Variants in GPD2 observed in about 807,000 individuals in gnomAD.
GPD2 encodes glycerol-3-phosphate dehydrogenase, mitochondrial.
Under a neutral mutation model 82.4 loss-of-function variants are expected in GPD2, and 54 were observed. The ratio of observed to expected loss-of-function variants is 0.66; its 90% CI spans 0.53 to 0.82. GPD2 has a LOEUF of 0.82. Ranked by LOEUF, GPD2 falls within the 40% of genes least tolerant of loss-of-function variation. GPD2 has a pLI of 0.00. For synonymous variants in GPD2, 288 were observed against 306.1 expected, an observed-to-expected ratio of 0.94 and a Z score of 0.62; for missense variants, 748 against 896.2, an observed-to-expected ratio of 0.83 and a Z score of 2.11.
chr2:156,543,041 T>G (rs1686384011), intron 6 of GPD2, among the ~76,000 whole-genome samples: 1 of 152,206 alleles, frequency 6.6e-6, no homozygotes, highest in Non-Finnish European at 1.5e-5. Flanking sequence ...AGACATTCGT[T>G]AATCTGCCAC....
intron 1 of GPD2, among the ~76,000 whole-genome samples, chr2:156,467,890 T>C (rs755044228): frequency 1.3e-5 from 2 of 152,240 alleles, no homozygotes; most frequent in African/African-American, 2.4e-5. Context: ...TCTGTAGGAA[T>C]CACATGTGTA....
At position 156,513,422 on chromosome 2, in the gene GPD2, G is replaced by C. The variant is rs1430082069; in HGVS notation, c.587G>C (p.Ser196Thr). ...TGCCTAAAAAGCAGTTATGTCCTCA[G>C]CAAATCAAGAGCCCTTGAACATTTC... The part of the protein sequence containing the change: ...SNCLKSSYVL[S>T]KSRALEHFPM... Residue 196 changes from serine (S) to threonine (T), a missense_variant, in exon 6 of 17, where the codon AGC becomes ACC. Ser to Thr is a moderately conservative substitution (Grantham distance 58). Coordinates refer to ENST00000438166, the MANE Select transcript of GPD2 (RefSeq NM_000408.5). The C allele has an allele frequency of 6.2e-7, 1 of 1,612,578 alleles. No individual in the cohort carries two copies. The highest frequency in any genetic ancestry group is 8.5e-7 in the Non-Finnish European group (1 of 1,178,966).
chr2:156,400,728 A>G, the GPD2 span, among the ~76,000 whole-genome samples: 4 of 152,366 alleles, frequency 2.6e-5, no homozygotes, highest in East Asian at 7.7e-4. Context: ...TAGAGCTAGC[A>G]GACTGAATGA....
chr2:156,551,108 A>G (rs966893044), intron 8 of GPD2, among the ~76,000 whole-genome samples: 3 of 152,210 alleles, frequency 2.0e-5, no homozygotes, highest in Admixed American at 6.6e-5. Context: ...ACAATAAGAC[A>G]TGAATTTTGC....
intron 6 of GPD2, among the ~76,000 whole-genome samples, chr2:156,548,837 T>G (rs1686646634): frequency 6.6e-6 from 1 of 152,174 alleles, no homozygotes; most frequent in African/African-American, 2.4e-5. Flanking sequence ...GAGTAATTCT[T>G]CCTGGTCAGC....
intron 1 of GPD2, among the ~76,000 whole-genome samples, chr2:156,439,521 A>C (rs1682070083): frequency 2.3e-5 from 2 of 87,848 alleles, no homozygotes; most frequent in African/African-American, 8.5e-5. Flanking sequence ...CAGAAAAAAA[A>C]AAAAAAAAAA....
chr2:156,530,461 C>T (rs1309751365), intron 6 of GPD2, among the ~76,000 whole-genome samples: 1 of 151,124 alleles, frequency 6.6e-6, no homozygotes, highest in East Asian at 1.9e-4. Flanking sequence ...GAACTTCCAA[C>T]ACTATGTTGA....
chr2:156,546,106 C>T (rs575180317), intron 6 of GPD2, among the ~76,000 whole-genome samples: 24 of 152,254 alleles, frequency 1.6e-4, no homozygotes, highest in African/African-American at 5.5e-4. Flanking sequence ...GAGTTGTAGG[C>T]TCAGTATGTG....
chr2:156,498,096 G>C (rs1043328789), intron 3 of GPD2, among the ~76,000 whole-genome samples: 1 of 152,162 alleles, frequency 6.6e-6, no homozygotes, highest in African/African-American at 2.4e-5. Context: ...TAGGATTCAG[G>C]AAAGTGTATT....
the GPD2 span, among the ~76,000 whole-genome samples, chr2:156,405,581 T>C: frequency 2.0e-5 from 3 of 152,214 alleles, no homozygotes; most frequent in Non-Finnish European, 2.9e-5. Flanking sequence ...CAAACACATA[T>C]GTCACAGTGT....
chr2:156,520,463 G>T (rs1308587721), intron 6 of GPD2, among the ~76,000 whole-genome samples: 1 of 151,868 alleles, frequency 6.6e-6, no homozygotes, highest in African/African-American at 2.4e-5. Context: ...TATTATTAGG[G>T]TTCCTGGTCT....
chr2:156,513,979 A>G (rs184767662), intron 6 of GPD2, among the ~76,000 whole-genome samples: 36 of 152,354 alleles, frequency 2.4e-4, no homozygotes, highest in African/African-American at 7.9e-4. Context: ...ACAGGACACA[A>G]TTCTTGAATG....
the GPD2 span, among the ~76,000 whole-genome samples, chr2:156,422,880 AAAAT>A: frequency 1.3e-5 from 2 of 152,212 alleles, no homozygotes; most frequent in African/African-American, 2.4e-5. Flanking sequence ...TCTAATATTA[AAAAT>A]AAATAAATAC....
intron 6 of GPD2, among the ~76,000 whole-genome samples, chr2:156,514,499 G>A (rs1261093915): frequency 6.7e-6 from 1 of 149,560 alleles, no homozygotes; most frequent in Non-Finnish European, 1.5e-5. Context: ...ATTTTTTTCA[G>A]GATACTTTGA....
At chr2:156,492,088 A>G (rs1011821784) in intron 2 of GPD2, among the ~76,000 whole-genome samples, 60 of 149,680 alleles carry the variant, frequency 4.0e-4, no homozygotes, top group Non-Finnish European at 7.2e-4. Flanking sequence ...TTCTGTAAGC[A>G]GTGTAAGAGA....
chr2:156,496,301 C>A (rs1684376625), intron 3 of GPD2, 86 bp downstream of exon 3: 2 of 903,630 alleles, frequency 2.2e-6, no homozygotes, highest in Non-Finnish European at 3.5e-6. Flanking sequence ...TAAGTGTGTG[C>A]CATGGTGGTT....
intron 6 of GPD2, among the ~76,000 whole-genome samples, chr2:156,533,356 G>A (rs879626167): frequency 1.3e-5 from 2 of 152,158 alleles, no homozygotes; most frequent in Non-Finnish European, 2.9e-5. Flanking sequence ...GAGAAATGTT[G>A]GAGCATTTGA....
intron 8 of GPD2, among the ~76,000 whole-genome samples, chr2:156,553,048 C>T (rs535395200): frequency 1.7e-3 from 251 of 151,836 alleles, no homozygotes; most frequent in African/African-American, 5.8e-3. Context: ...GCCACCACAC[C>T]CAGCTAATTT....
intron 6 of GPD2, among the ~76,000 whole-genome samples, chr2:156,513,714 TTTC>T (rs1685091186): frequency 6.6e-6 from 1 of 152,228 alleles, no homozygotes; most frequent in East Asian, 1.9e-4. Flanking sequence ...ACATATTTGT[TTTC>T]TTCTTTGATT....
Sources: allele counts gnomAD v4.1 joint callset (sites outside exome capture counted in the v4.1 genomes callset), GRCh38; gene constraint gnomAD v4.1.1; transcripts MANE v1.5; gene names NCBI Gene and HGNC (gene_info 2026-07-23, HGNC 2026-07-21).